TFRC: variants seen among roughly 807,000 people sequenced by gnomAD.
The protein encoded by TFRC is transferrin receptor protein 1.
In TFRC, 35 loss-of-function variants were observed where a neutral mutation model predicts 85.8. That is an observed-to-expected ratio of 0.41 (90% CI 0.31 to 0.54). The LOEUF is 0.54. Among genes scored for constraint, TFRC ranks in the 20% least tolerant of loss-of-function variants. The pLI, the probability that TFRC is intolerant of heterozygous loss-of-function variation, is 0.31. For synonymous variants in TFRC, 362 were observed against 328.6 expected (o/e 1.10, Z -1.10); for missense variants, 828 against 921.5 (o/e 0.90, Z 1.31).
intron 10 of TFRC, 24 bp from the exon 11 acceptor site, chr3:196,064,452 G>A: frequency 6.4e-7 from 1 of 1,566,310 alleles, no homozygotes; most frequent in Non-Finnish European, 8.6e-7. Context: ...AAAAGAGGAA[G>A]AAAGAACTTA....
chr3:196,062,388 C>G, intron 13 of TFRC, 194 bp downstream of exon 13: 1 of 545,852 alleles, frequency 1.8e-6, no homozygotes, highest in Non-Finnish European at 3.3e-6. Context: ...AAAAAATTAG[C>G]TGGGTGTGGT....
At chr3:196,066,310 C>T (rs1057510066) in intron 9 of TFRC, among the ~76,000 whole-genome samples, 1 of 152,116 alleles carries the variant, frequency 6.6e-6, no homozygotes, top group Non-Finnish European at 1.5e-5. Context: ...AAATATTCCT[C>T]AGCTGGGTGC....
Position 196,058,597 on chromosome 3 carries a change from C to T in TFRC, c.1572G>A (p.Gln524=), listed in dbSNP as rs940140014. ...KHPVTGQFLY[Q]DSNWASKVEK... ...ACACTTTGCTGGCCCAGTTGCTGTC[C>T]TGATATAGAAATTGCCCAGTAACCG... Residue 524 remains glutamine, a synonymous_variant, in exon 15 of 19, where the codon CAG becomes CAA. Coordinates refer to ENST00000360110, the MANE Select transcript of TFRC (RefSeq NM_001128148.3). The T allele has an allele frequency of 3.1e-6, 5 of 1,611,252 alleles. No homozygotes were observed. The highest frequency in any genetic ancestry group is 3.4e-6 in the Non-Finnish European group (4 of 1,179,118).
intron 1 of TFRC, among the ~76,000 whole-genome samples, chr3:196,078,207 A>T (rs2108659870): frequency 6.6e-6 from 1 of 152,242 alleles, no homozygotes; most frequent in Admixed American, 6.6e-5. Context: ...TGAAAATGAC[A>T]TTATCCTGAG....
Position 196,065,426 on chromosome 3 carries a change from G to GGC in TFRC, c.1198+16_1198+17insGC, listed in dbSNP as rs1717640570. ...CAAAAAAAAAGCGGGGCGGGGGGGG[G>GGC]GGGGGGCGGTCTTTACCTGGTTCTA... On this transcript the variant is annotated intron_variant, in intron 10 of 18. Coordinates refer to ENST00000360110, the MANE Select transcript of TFRC (RefSeq NM_001128148.3). 2.9e-6 allele frequency: 2 copies of GGC among 692,130 alleles called. No homozygotes were observed. The highest frequency in any genetic ancestry group is 3.9e-6 in the Non-Finnish European group (2 of 509,650). 42.9% of individuals were successfully genotyped at this position (692,130 alleles called of 1,614,324 possible).
intron 4 of TFRC, chr3:196,072,716 A>C (rs1214999290): frequency 1.3e-5 from 2 of 152,222 alleles, no homozygotes; most frequent in African/African-American, 4.8e-5. Flanking sequence ...AGACTAAAGA[A>C]TTATAGTACC....
At chr3:196,081,677 G>A (rs537443846) in intron 1 of TFRC, among the ~76,000 whole-genome samples, 101 of 152,344 alleles carry the variant, frequency 6.6e-4, no homozygotes, top group Non-Finnish European at 1.1e-3. Context: ...AAGTCCCCGG[G>A]GCTGAGAGCG....
intron 7 of TFRC, among the ~76,000 whole-genome samples, chr3:196,068,454 T>C (rs1717912075): frequency 6.7e-6 from 1 of 150,296 alleles, no homozygotes; most frequent in African/African-American, 2.5e-5. Flanking sequence ...CTACTAAAAA[T>C]ACAAAAATTA....
intron 1 of TFRC, among the ~76,000 whole-genome samples, chr3:196,080,073 C>A (rs1286624170): frequency 6.6e-6 from 1 of 152,164 alleles, no homozygotes; most frequent in Non-Finnish European, 1.5e-5. Context: ...AATCTTTTCC[C>A]GTCCCCATCA....
intron 2 of TFRC, 23 bp downstream of exon 2, chr3:196,077,040 GA>G: frequency 6.2e-7 from 1 of 1,610,580 alleles, no homozygotes. Flanking sequence ...TGCAGACACA[GA>G]AATACAACTG....
chr3:196,071,257 G>T, intron 6 of TFRC, 139 bp downstream of exon 6: 1 of 650,796 alleles, frequency 1.5e-6, no homozygotes. Flanking sequence ...TGTTGACTGT[G>T]TCATTAGAGG....
rs189687775 is a variant in TFRC, at chr3:196,064,496, A to G, written c.1199-68T>C. 11 of 1,460,278 alleles carry G rather than the reference A, an allele frequency of 7.5e-6. No homozygotes were observed. The Admixed American group carries it at 1.5e-4, about 20-fold the overall frequency. The allele number at this position is 1,460,278 out of a possible 1,614,324, so 90.5% of individuals were successfully genotyped here. A position where few individuals can be genotyped will look rare whatever the true frequency, so the allele number is the denominator to read the frequency against. On this transcript the variant is annotated intron_variant, in intron 10 of 18. Coordinates refer to ENST00000360110, the MANE Select transcript of TFRC (RefSeq NM_001128148.3). ...GCTTCTAAACTTTTCTAGAATTAGC[A>G]CATCAGTAGAAAGGTAAAAGCACAG...
chr3:196,054,622 T>C (rs147663462), intron 17 of TFRC, among the ~76,000 whole-genome samples: 106 of 152,326 alleles, frequency 7.0e-4, no homozygotes, highest in African/African-American at 2.3e-3. Flanking sequence ...TCAGCAGAAG[T>C]AGCTGGGGCT....
chr3:196,071,368 G>A, intron 6 of TFRC, 28 bp downstream of exon 6: 2 of 1,556,060 alleles, frequency 1.3e-6, no homozygotes, highest in African/African-American at 1.4e-5. Flanking sequence ...ATAGGGAAGA[G>A]TCTCATGCAC....
intron 15 of TFRC, 47 bp from the exon 16 acceptor site, chr3:196,058,412 AC>A: frequency 6.3e-7 from 1 of 1,577,238 alleles, no homozygotes; most frequent in Admixed American, 1.7e-5. Context: ...TAAAGAATAG[AC>A]TGTTCTATCG....
At position 196,065,435 on chromosome 3, in the gene TFRC, GTCT is replaced by G; in HGVS notation, c.1198+5_1198+7del. On this transcript the variant is annotated splice_donor_5th_base_variant and intron_variant, in intron 10 of 18. Transcript: ENST00000360110. ...AGCGGGGCGGGGGGGGGGGGGGGCG[GTCT>G]TTACCTGGTTCTACAAAGCCTTTAA... The G allele has an allele frequency of 1.5e-6, 1 of 655,702 alleles. No individual in the cohort carries two copies. Among genetic ancestry groups the G allele is most frequent in the Non-Finnish European group, 2.2e-6 (1 of 463,128 alleles). The allele number at this position is 655,702 out of a possible 1,614,324, so 40.6% of individuals were successfully genotyped here.
rs533738608 is a variant in TFRC, at chr3:196,051,136, A to G, written c.*806T>C. ...CACTTTGGCCAAAATTTGGCAGCAT[A>G]TTATTCTTTAAAGTCTGACAAACTG... On this transcript the variant is annotated 3_prime_UTR_variant, in exon 19 of 19. Transcript: ENST00000360110. The G allele has an allele frequency of 1.5e-4, 33 of 215,842 alleles. No individual in the cohort carries two copies. Among genetic ancestry groups the G allele is most frequent in the Non-Finnish European group, 2.8e-4 (30 of 106,822 alleles). The allele number at this position is 215,842 out of a possible 1,614,324, so 13.4% of individuals were successfully genotyped here.
intron 17 of TFRC, 24 bp from the exon 18 acceptor site, chr3:196,053,582 G>GAGAA (rs1716525643): frequency 1.2e-6 from 2 of 1,612,522 alleles, no homozygotes; most frequent in Non-Finnish European, 1.7e-6. Context: ...TATTCGCTAT[G>GAGAA]AGAAGTTTTA....
intron 9 of TFRC, among the ~76,000 whole-genome samples, chr3:196,066,035 C>T (rs1198070133): frequency 6.6e-6 from 1 of 151,454 alleles, no homozygotes; most frequent in Non-Finnish European, 1.5e-5. Context: ...CAAAAAAAAA[C>T]TTACTCTCTA....
Sources: gnomAD v4.1 joint callset for allele counts (sites outside exome capture counted in the v4.1 genomes callset) on GRCh38, gnomAD v4.1.1 for gene constraint, MANE v1.5 for transcripts, NCBI Gene and HGNC (gene_info 2026-07-23, HGNC 2026-07-21) for gene names.